The following C16orf74 variants were observed in gnomAD, a reference collection of about 807,000 sequenced individuals.
C16orf74 encodes the protein calcimembrin, also known as uncharacterized protein C16orf74.
C16orf74 carries 10 observed loss-of-function variants against 6.5 expected under a neutral mutation model. That is an observed-to-expected ratio of 1.54 (90% CI 0.95 to 2.61). C16orf74 has a LOEUF of 2.61. Among genes scored for constraint, C16orf74 ranks in the 30% most tolerant of loss-of-function variants. C16orf74 has a pLI of 0.00. For missense variants in C16orf74, 141 were observed against 105.9 expected, an observed-to-expected ratio of 1.33 and a Z score of -1.45; for synonymous variants, 60 against 42.5, an observed-to-expected ratio of 1.41 and a Z score of -1.60.
At chr16:85,749,586 T>C (rs1190615533) in intron 1 of C16orf74, among the ~76,000 whole-genome samples, 6 of 152,242 alleles carry the variant, frequency 3.9e-5, no homozygotes, top group Admixed American at 6.5e-5. Flanking sequence ...CCTGGCCCTG[T>C]TTCCTCATCT....
intron 2 of C16orf74, chr16:85,710,543 T>C: frequency 2.0e-6 from 1 of 489,454 alleles, no homozygotes; most frequent in South Asian, 3.0e-5. Flanking sequence ...TTTTGGGAAA[T>C]GCTGATCATA....
In C16orf74 at chr16:85,735,184, C is replaced by A; in HGVS notation, c.28+6G>T. On this transcript the variant is annotated splice_donor_region_variant and intron_variant, in intron 2 of 3. Coordinates refer to ENST00000284245, the MANE Select transcript of C16orf74 (RefSeq NM_206967.3). ...GAGCTGGTGGGGGCAGAGCTTCAGG[C>A]CTTACCTTTCAGGCAGGACATCTTA... The A allele has an allele frequency of 1.2e-6, 2 of 1,604,732 alleles. No homozygotes were observed. Among genetic ancestry groups the A allele is most frequent in the Non-Finnish European group, 1.7e-6 (2 of 1,175,328 alleles).
chr16:85,720,727 A>T (rs1394187606), intron 2 of C16orf74, among the ~76,000 whole-genome samples: 1 of 148,826 alleles, frequency 6.7e-6, no homozygotes, highest in Non-Finnish European at 1.5e-5. Context: ...AGTGAGCTGC[A>T]ATCACACCAC....
intron 2 of C16orf74, among the ~76,000 whole-genome samples, chr16:85,728,621 T>C (rs1598795124): frequency 6.6e-6 from 1 of 152,150 alleles, no homozygotes; most frequent in East Asian, 1.9e-4. Context: ...GCCTGCAGTT[T>C]AAGTCTTCCT....
chr16:85,729,890 T>G (rs1160820944), intron 2 of C16orf74, among the ~76,000 whole-genome samples: 1 of 151,928 alleles, frequency 6.6e-6, no homozygotes, highest in African/African-American at 2.4e-5. Flanking sequence ...TTCAGAACAA[T>G]GAGAGAATAA....
chr16:85,719,929 G>A (rs1023767098), intron 2 of C16orf74, among the ~76,000 whole-genome samples: 24 of 151,928 alleles, frequency 1.6e-4, no homozygotes, highest in Middle Eastern at 3.4e-3. Flanking sequence ...AGGAACAGAG[G>A]GGCCACAGGG....
intron 2 of C16orf74, among the ~76,000 whole-genome samples, chr16:85,725,662 T>G (rs1447719842): frequency 6.6e-6 from 1 of 152,126 alleles, no homozygotes; most frequent in Non-Finnish European, 1.5e-5. Flanking sequence ...TTGGCAAAAT[T>G]TGGCAATTTT....
chr16:85,729,201 G>A (rs1243547394), intron 2 of C16orf74, among the ~76,000 whole-genome samples: 1 of 152,206 alleles, frequency 6.6e-6, no homozygotes. Flanking sequence ...GAGGTCCCCT[G>A]TGCCTCAGCC....
intron 2 of C16orf74, among the ~76,000 whole-genome samples, chr16:85,716,455 G>A (rs2054024657): frequency 7.0e-6 from 1 of 143,000 alleles, no homozygotes. Context: ...GGAAGGAAGA[G>A]AGGAGGGAGA....
At chr16:85,729,848 T>C (rs1242714205) in intron 2 of C16orf74, among the ~76,000 whole-genome samples, 1 of 152,038 alleles carries the variant, frequency 6.6e-6, no homozygotes, top group Non-Finnish European at 1.5e-5. Flanking sequence ...CCTTTGGCGC[T>C]GAGGAGGGAG....
chr16:85,734,935 C>T (rs2054227640), intron 2 of C16orf74, among the ~76,000 whole-genome samples: 2 of 152,162 alleles, frequency 1.3e-5, no homozygotes, highest in African/African-American at 4.8e-5. Context: ...GGATTAGGCA[C>T]CCTGAGGGGG....
At chr16:85,733,313 G>A (rs1164406312) in intron 2 of C16orf74, among the ~76,000 whole-genome samples, 2 of 152,304 alleles carry the variant, frequency 1.3e-5, no homozygotes, top group South Asian at 2.1e-4. Context: ...AAGGACAAAT[G>A]CTGGATGATT....
At chr16:85,740,618 G>A (rs533833399) in intron 1 of C16orf74, among the ~76,000 whole-genome samples, 35 of 151,166 alleles carry the variant, frequency 2.3e-4, no homozygotes, top group African/African-American at 8.2e-4. Context: ...CGTGAACCCG[G>A]GAGGCGGAGC....
intron 1 of C16orf74, among the ~76,000 whole-genome samples, chr16:85,741,090 C>T (rs1205503311): frequency 6.6e-6 from 1 of 152,194 alleles, no homozygotes; most frequent in Non-Finnish European, 1.5e-5. Context: ...AGAAAGGCAA[C>T]ATCCAGAAGA....
At chr16:85,717,862 C>G (rs1039566482) in intron 2 of C16orf74, among the ~76,000 whole-genome samples, 12 of 152,190 alleles carry the variant, frequency 7.9e-5, no homozygotes, top group Admixed American at 7.9e-4. Context: ...CTGGGATCCG[C>G]AGCCCTGATC....
At chr16:85,737,518 G>A (rs1216790889) in intron 1 of C16orf74, among the ~76,000 whole-genome samples, 1 of 152,180 alleles carries the variant, frequency 6.6e-6, no homozygotes, top group Non-Finnish European at 1.5e-5. Flanking sequence ...GGCAACATAA[G>A]AAGACCCTGT....
chr16:85,719,911 C>T lies in C16orf74; in HGVS notation c.29-9604G>A, dbSNP rs1405578804. ...CACAGGCCACAGCACACGCAAAGGC[C>T]CTGAGGCAGGAACAGAGGGGCCACA... On this transcript the variant is annotated intron_variant, in intron 2 of 3. Coordinates refer to ENST00000284245, the MANE Select transcript of C16orf74 (RefSeq NM_206967.3). Among the ~76,000 whole-genome samples, 3 of 151,862 alleles carry T rather than the reference C, an allele frequency of 2.0e-5. No homozygotes were observed. In the East Asian group the frequency reaches 5.8e-4, roughly 29 times the overall value.
Position 85,723,028 on chromosome 16 carries a change from G to A in C16orf74, c.28+12162C>T, listed in dbSNP as rs1435291851. Among the ~76,000 whole-genome samples, 4 of 152,146 alleles carry A rather than the reference G, an allele frequency of 2.6e-5. 1 individual carries two copies. Among genetic ancestry groups the A allele is most frequent in the African/African-American group, 9.7e-5 (4 of 41,420 alleles). On this transcript the variant is annotated intron_variant, in intron 2 of 3. Transcript: ENST00000284245. Reference sequence around the variant, plus strand: ...AATCCCAGCACTTTGGGAGGCTGAGGCAAGTAGGTCACCTGAGGTCAGGAA... The same window carrying A: ...AATCCCAGCACTTTGGGAGGCTGAGACAAGTAGGTCACCTGAGGTCAGGAA...
At chr16:85,726,144 G>A (rs989636116) in intron 2 of C16orf74, among the ~76,000 whole-genome samples, 2 of 151,062 alleles carry the variant, frequency 1.3e-5, no homozygotes, top group Admixed American at 6.6e-5. Flanking sequence ...TCATCCCCTC[G>A]ACTGCACCTC....
Sources: allele counts gnomAD v4.1 joint callset (sites outside exome capture counted in the v4.1 genomes callset), GRCh38; gene constraint gnomAD v4.1.1; transcripts MANE v1.5; gene names NCBI Gene and HGNC (gene_info 2026-07-23, HGNC 2026-07-21).